The following ENAH variants were observed in gnomAD, a reference collection of about 807,000 sequenced individuals.
The protein encoded by ENAH is ENAH actin regulator, also known as protein enabled homolog.
Under a neutral mutation model 78.7 loss-of-function variants are expected in ENAH, and 23 were observed. The ratio of observed to expected loss-of-function variants is 0.29; its 90% CI spans 0.21 to 0.41. The LOEUF is 0.41. Among genes scored for constraint, ENAH ranks in the 10% least tolerant of loss-of-function variants. The pLI, the probability that ENAH is intolerant of heterozygous loss-of-function variation, is 1.00. For synonymous variants in ENAH, 226 were observed against 241.0 expected (o/e 0.94, Z 0.58); for missense variants, 544 against 691.0 (o/e 0.79, Z 2.39).
chr1:225,643,404 A>G (rs796355974), intron 1 of ENAH, among the ~76,000 whole-genome samples: 3 of 152,194 alleles, frequency 2.0e-5, no homozygotes, highest in Non-Finnish European at 4.4e-5. Flanking sequence ...AAATAAAAAA[A>G]AAAACAAAAC....
intron 1 of ENAH, among the ~76,000 whole-genome samples, chr1:225,583,802 C>G (rs1446565630): frequency 8.1e-5 from 6 of 74,492 alleles, no homozygotes; most frequent in Admixed American, 6.0e-4. Context: ...GAGCAAACCT[C>G]CATCTCAAAA....
rs760264812 is a variant in ENAH, at chr1:225,514,577, T to G, written c.1218+19A>C. ...GAAGAATAAGACATATTAAAAAAAT[T>G]TTTCAGAAAGGTATTTACCCGTGAC... On this transcript the variant is annotated intron_variant, in intron 7 of 13. Transcript: ENST00000366843. 21 of 1,604,028 alleles carry G rather than the reference T, an allele frequency of 1.3e-5. No individual in the cohort carries two copies. Among genetic ancestry groups the G allele is most frequent in the Non-Finnish European group, 1.8e-5 (21 of 1,174,072 alleles).
chr1:225,491,937 A>G lies in ENAH; in HGVS notation c.*5838T>C, dbSNP rs1358177645. 6.6e-6 allele frequency: 1 copy of G among 152,214 alleles called. No individual in the cohort carries two copies. The highest frequency in any genetic ancestry group is 1.5e-5 in the Non-Finnish European group (1 of 68,028). 9.4% of individuals were successfully genotyped at this position (152,214 alleles called of 1,614,324 possible). On this transcript the variant is annotated 3_prime_UTR_variant, in exon 14 of 14. Coordinates refer to ENST00000366843, the MANE Select transcript of ENAH (RefSeq NM_018212.6). ...AATCTTTCTTGGAATTGAAGGGAAC[A>G]GTTAAATCAGATTTACATGATAAAC...
chr1:225,522,518 A>G (rs1351605965), intron 4 of ENAH, among the ~76,000 whole-genome samples: 1 of 152,212 alleles, frequency 6.6e-6, no homozygotes, highest in Non-Finnish European at 1.5e-5. Context: ...TATTTGATAA[A>G]TCACTAGCTG....
chr1:225,611,776 G>A (rs1247891447), intron 1 of ENAH, among the ~76,000 whole-genome samples: 1 of 152,072 alleles, frequency 6.6e-6, no homozygotes, highest in African/African-American at 2.4e-5. Context: ...GACAGAGTGA[G>A]AAAAAGATAA....
rs2840965 is a variant in ENAH, at chr1:225,628,725, T to C, written c.5+23961A>G. Among the ~76,000 whole-genome samples, 766 of 150,422 alleles carry C rather than the reference T, an allele frequency of 5.1e-3. 6 individuals are homozygous for C. The highest frequency in any genetic ancestry group is 0.018 in the African/African-American group (738 of 40,874). ...CAGGAGTTCGAGACCAGCCTCAACA[T>C]GGAAAAACCCCATCTCTACTAAAAA... On this transcript the variant is annotated intron_variant, in intron 1 of 13. Transcript: ENST00000366843.
intron 1 of ENAH, among the ~76,000 whole-genome samples, chr1:225,638,321 G>C (rs1660422874): frequency 6.6e-6 from 1 of 152,054 alleles, no homozygotes; most frequent in African/African-American, 2.4e-5. Flanking sequence ...ACCACACCCA[G>C]CTAATATTAT....
chr1:225,582,519 A>AC (rs746899194), intron 1 of ENAH, among the ~76,000 whole-genome samples: 2 of 152,058 alleles, frequency 1.3e-5, no homozygotes, highest in Non-Finnish European at 2.9e-5. Context: ...TCCAACAGAA[A>AC]CCCCCACAGA....
Position 225,493,155 on chromosome 1 carries a change from T to C in ENAH, c.*4620A>G, listed in dbSNP as rs529655841. ...GTATTGATATTTTAAAAAATCTTGATGTCTCAAAAATTATCGAGAGATAAC... is the reference window on the plus strand; with the variant it reads ...GTATTGATATTTTAAAAAATCTTGACGTCTCAAAAATTATCGAGAGATAAC... On this transcript the variant is annotated 3_prime_UTR_variant, in exon 14 of 14. Coordinates refer to ENST00000366843, the MANE Select transcript of ENAH (RefSeq NM_018212.6). The C allele has an allele frequency of 2.6e-5, 4 of 152,338 alleles. No homozygotes were observed. The highest frequency in any genetic ancestry group is 9.6e-5 in the African/African-American group (4 of 41,572). 9.4% of individuals were successfully genotyped at this position (152,338 alleles called of 1,614,324 possible). A position where few individuals can be genotyped will look rare whatever the true frequency, so the allele number is the denominator to read the frequency against.
In ENAH at chr1:225,586,890, G is replaced by A. The variant is rs552306608; in HGVS notation, c.6-19476C>T. ...AATACAAAAAGTAGCCAGGCGTGGT[G>A]GCACGTGCCTGTAGACCCAGCTACT... On this transcript the variant is annotated intron_variant, in intron 1 of 13. Transcript: ENST00000366843. Among the ~76,000 whole-genome samples, 107 of 150,220 alleles carry A rather than the reference G, an allele frequency of 7.1e-4. 1 individual carries two copies. The highest frequency in any genetic ancestry group is 2.5e-3 in the African/African-American group (100 of 40,674).
At chr1:225,591,480 AAAAC>A (rs1485687475) in intron 1 of ENAH, among the ~76,000 whole-genome samples, 1 of 149,780 alleles carries the variant, frequency 6.7e-6, no homozygotes, top group African/African-American at 2.5e-5. Flanking sequence ...AAAAAAAAAA[AAAAC>A]AGTCGGGTGT....
intron 3 of ENAH, among the ~76,000 whole-genome samples, chr1:225,539,423 T>C (rs541293886): frequency 1.3e-5 from 2 of 152,308 alleles, no homozygotes; most frequent in East Asian, 3.9e-4. Context: ...AAAGTACATA[T>C]ATATAAATGA....
Position 225,559,447 on chromosome 1 carries a change from A to G in ENAH, c.172-4364T>C, listed in dbSNP as rs533242992. Among the ~76,000 whole-genome samples the G allele has an allele frequency of 1.0e-3, 153 of 152,306 alleles. 1 individual carries two copies. The South Asian group carries it at 0.02, about 20-fold the overall frequency. ...TTGTTCAAACCTTCTATACATTCTT[A>G]CAGACCTTTTTTTCTGACTGCCTGT... On this transcript the variant is annotated intron_variant, in intron 2 of 13. Coordinates refer to ENST00000366843, the MANE Select transcript of ENAH (RefSeq NM_018212.6).
At chr1:225,539,187 G>C (rs1189137367) in intron 3 of ENAH, among the ~76,000 whole-genome samples, 1 of 152,058 alleles carries the variant, frequency 6.6e-6, no homozygotes, top group East Asian at 1.9e-4. Context: ...TTCAAGTCCT[G>C]TTAATGCAAC....
rs915298861 is a variant in ENAH, at chr1:225,494,107, ACT to A, written c.*3666_*3667del. The A allele has an allele frequency of 2.0e-5, 3 of 149,220 alleles. No homozygotes were observed. Among genetic ancestry groups the A allele is most frequent in the African/African-American group, 7.4e-5 (3 of 40,468 alleles). The allele number at this position is 149,220 out of a possible 1,614,324, so 9.2% of individuals were successfully genotyped here. A position where few individuals can be genotyped will look rare whatever the true frequency, so the allele number is the denominator to read the frequency against. ...AACAGCTGAAAATTTTACAACTGTA[ACT>A]CTGTAATGGCTGCAAATGTTAATGA... On this transcript the variant is annotated 3_prime_UTR_variant, in exon 14 of 14. Transcript: ENST00000366843.
intron 1 of ENAH, among the ~76,000 whole-genome samples, chr1:225,639,320 C>G (rs893439155): frequency 1.3e-5 from 2 of 152,014 alleles, no homozygotes; most frequent in Non-Finnish European, 2.9e-5. Flanking sequence ...ATGATTTATG[C>G]ATTTAGCTGT....
chr1:225,618,198 C>T (rs1027181461), intron 1 of ENAH, among the ~76,000 whole-genome samples: 15 of 152,176 alleles, frequency 9.9e-5, no homozygotes, highest in African/African-American at 3.6e-4. Flanking sequence ...CCATTCTCAT[C>T]CAAACATCCC....
chr1:225,527,550 T>C (rs1261227410), intron 4 of ENAH, among the ~76,000 whole-genome samples: 2 of 152,182 alleles, frequency 1.3e-5, no homozygotes, highest in Non-Finnish European at 2.9e-5. Context: ...TTGTAGTATC[T>C]TTTTCCAAGT....
At chr1:225,569,195 T>A (rs2096748527) in intron 1 of ENAH, among the ~76,000 whole-genome samples, 1 of 152,242 alleles carries the variant, frequency 6.6e-6, no homozygotes, top group Admixed American at 6.5e-5. Flanking sequence ...GCAACAAATT[T>A]ACTGCTAAAT....
Sources: gnomAD v4.1 joint callset for allele counts (sites outside exome capture counted in the v4.1 genomes callset) on GRCh38, gnomAD v4.1.1 for gene constraint, MANE v1.5 for transcripts, NCBI Gene and HGNC (gene_info 2026-07-23, HGNC 2026-07-21) for gene names.